Variants in MKI67 observed in about 807,000 individuals in gnomAD.
MKI67 encodes the protein proliferation marker protein Ki-67.
MKI67 carries 152 observed loss-of-function variants against 233.5 expected under a neutral mutation model. The ratio of observed to expected loss-of-function variants is 0.65; its 90% CI spans 0.57 to 0.74. The LOEUF (loss-of-function observed/expected upper bound fraction) is 0.74, where lower values mean the gene tolerates loss of function less well. Among genes scored for constraint, MKI67 ranks in the 30% least tolerant of loss-of-function variants. MKI67 has a pLI of 0.00. For synonymous variants in MKI67, 1,465 were observed against 1,418.5 expected, an observed-to-expected ratio of 1.03 and a Z score of -0.74; for missense variants, 3,940 against 3,885.2, an observed-to-expected ratio of 1.01 and a Z score of -0.37.
Position 128,108,279 on chromosome 10 carries a change from A to C in MKI67, c.3561T>G (p.Ile1187Met), listed in dbSNP as rs201133638. 362 of 1,610,402 alleles carry C rather than the reference A, an allele frequency of 2.2e-4. No homozygotes were observed. The highest frequency in any genetic ancestry group is 3.0e-4 in the Non-Finnish European group (355 of 1,179,058). Residue 1187 changes from isoleucine to methionine, a missense_variant, in exon 13 of 15, where the codon ATT becomes ATG. Physicochemically the swap from Ile to Met is conservative, Grantham distance 10 (BLOSUM62 1). Transcript: ENST00000368654. ...PKPAGGDEKD[I>M]KAFMGTPVQK... ...GCACTGGAGTTCCCATAAATGCTTT[A>C]ATGTCTTTCTCATCACCTCCTGCTG...
chr10:128,110,391 G>C lies in MKI67; in HGVS notation c.2403C>G (p.Thr801=), dbSNP rs751240563. ...TDSGEEPLLP[T]SESFGGNVFF... The stretch of plus-strand genomic sequence containing the variant: ...AAGGAAACCAACCAAAACTCTCTGA[G>C]GTGGGGAGCAGAGGTTCTTCTCCTG... The change falls in exon 12 of 15, where the codon ACC becomes ACG. Residue 801 remains threonine, a synonymous_variant. Coordinates refer to ENST00000368654, the MANE Select transcript of MKI67 (RefSeq NM_002417.5). 6.4e-7 allele frequency: 1 copy of C among 1,567,286 alleles called. No homozygotes were observed. Among genetic ancestry groups the C allele is most frequent in the Admixed American group, 1.7e-5 (1 of 59,152 alleles).
Position 128,115,872 on chromosome 10 carries a change from G to T in MKI67, c.536C>A (p.Thr179Lys), listed in dbSNP as rs775578239. 34 of 1,608,870 alleles carry T rather than the reference G, an allele frequency of 2.1e-5. No homozygotes were observed. The East Asian group carries it at 2.7e-4, about 13-fold the overall frequency. ...DDSKDSVAQG[T>K]TNVHSSEHAG... ...ATGTTCTGAGGAATGAACATTAGTTGTTCCCTGAGCAACACTGTCTTTTGA... is the reference window on the plus strand; with the variant it reads ...ATGTTCTGAGGAATGAACATTAGTTTTTCCCTGAGCAACACTGTCTTTTGA... Residue 179 changes from threonine to lysine, a missense_variant, in exon 7 of 15, where the codon ACA becomes AAA. Coordinates refer to ENST00000368654, the MANE Select transcript of MKI67 (RefSeq NM_002417.5).
chr10:128,101,190 A>T, intron 14 of MKI67, 68 bp downstream of exon 14: 1 of 1,520,056 alleles, frequency 6.6e-7, no homozygotes, highest in Non-Finnish European at 8.9e-7. Context: ...TTGCCTTTGC[A>T]ACCTTGGGCA....
intron 12 of MKI67, 22 bp downstream of exon 12, chr10:128,110,356 G>A: frequency 6.5e-7 from 1 of 1,534,052 alleles, no homozygotes; most frequent in South Asian, 1.3e-5. Context: ...ACATCACAGT[G>A]TTAGGAAACA....
rs771013535 is a variant in MKI67, at chr10:128,113,625, GGAA to G, written c.1481-26_1481-24del. 1.6e-5 allele frequency: 26 copies of G among 1,602,262 alleles called. 1 individual carries two copies. The South Asian group carries it at 2.9e-4, about 18-fold the overall frequency. On this transcript the variant is annotated intron_variant, in intron 7 of 14. Coordinates refer to ENST00000368654, the MANE Select transcript of MKI67 (RefSeq NM_002417.5). Reference sequence around the variant, plus strand: ...CATCTAAAGTAACGGATACAAATGTGGAAAGAGCAATGAAAAAACATACCAAGA... The same window carrying G: ...CATCTAAAGTAACGGATACAAATGTGAGAGCAATGAAAAAACATACCAAGA...
chr10:128,112,162 C>G lies in MKI67; in HGVS notation c.1940G>C (p.Arg647Thr). 6.2e-7 allele frequency: 1 copy of G among 1,614,006 alleles called. No individual in the cohort carries two copies. Among genetic ancestry groups the G allele is most frequent in the East Asian group, 2.2e-5 (1 of 44,890 alleles). Residue 647 changes from arginine to threonine, a missense_variant, in exon 9 of 15, where the codon AGA becomes ACA. Transcript: ENST00000368654. Reference sequence around the variant, plus strand: ...CAGATTTGCTTCCGAAGCACCACTTCTTCTTTTGGAACATATCATCTGTAA... The same window carrying G: ...CAGATTTGCTTCCGAAGCACCACTTGTTCTTTTGGAACATATCATCTGTAA... ...DILQMICSKR[R>T]SGASEANLIV... is the part of the protein sequence containing the mutation.
rs1590309843 is a variant in MKI67 at position 128,111,997 on chromosome 10, T to C, written c.2018A>G (p.Gln673Arg). Residue 673 changes from glutamine to arginine, a missense_variant, in exon 10 of 15, where the codon CAA becomes CGA. Physicochemically the swap from Gln to Arg is conservative, Grantham distance 43. Coordinates refer to ENST00000368654, the MANE Select transcript of MKI67 (RefSeq NM_002417.5). Reference protein sequence around the residue: ...DVVKLGAKQTQTKVIKHGPQR... With the variant: ...DVVKLGAKQTRTKVIKHGPQR... ...AGGACCATGTTTTATGACTTTAGTT[T>C]GTGTTTGTTTTGCACCAAGTTTTAC... The C allele has an allele frequency of 1.9e-6, 3 of 1,613,556 alleles. No homozygotes were observed. In the African/African-American group the frequency reaches 4.0e-5, roughly 22 times the overall value.
rs1285125622 is a variant in MKI67, at chr10:128,110,375, A to G, written c.2416+3T>C. 1 of 1,558,102 alleles carries G rather than the reference A, an allele frequency of 6.4e-7. No homozygotes were observed. The highest frequency in any genetic ancestry group is 8.8e-7 in the Non-Finnish European group (1 of 1,139,522). On this transcript the variant is annotated splice_donor_region_variant and intron_variant, in intron 12 of 14. Coordinates refer to ENST00000368654, the MANE Select transcript of MKI67 (RefSeq NM_002417.5). ...CACAGTGTTAGGAAACAAGGAAACCAACCAAAACTCTCTGAGGTGGGGAGC... is the reference window on the plus strand; with the variant it reads ...CACAGTGTTAGGAAACAAGGAAACCGACCAAAACTCTCTGAGGTGGGGAGC...
chr10:128,099,246 T>G lies in MKI67; in HGVS notation c.9715A>C (p.Asn3239His). The change falls in exon 15 of 15, where the codon AAT becomes CAT. Residue 3239 changes from asparagine (N) to histidine (H), a missense_variant. Asn to His is a moderately conservative substitution (Grantham distance 68). Transcript: ENST00000368654. The part of the protein sequence containing the change: ...CAENPKKAED[N>H]VCVKKIRTRS... ...GTTCTTATTTTCTTGACACACACAT[T>G]GTCCTCAGCCTGTGTGGGAAGAAAA... is the stretch of plus-strand genomic sequence containing the variant. The G allele has an allele frequency of 6.2e-7, 1 of 1,613,204 alleles. No individual in the cohort carries two copies. The highest frequency in any genetic ancestry group is 8.5e-7 in the Non-Finnish European group (1 of 1,179,556).
At chr10:128,122,767 C>G in intron 4 of MKI67, 114 bp downstream of exon 4, 1 of 539,392 alleles carries the variant, frequency 1.9e-6, no homozygotes, top group Non-Finnish European at 3.3e-6. Context: ...GAATGAAAAC[C>G]TGAAATACTT....
chr10:128,111,100 G>A (rs1026600212), intron 11 of MKI67, among the ~76,000 whole-genome samples: 1 of 152,224 alleles, frequency 6.6e-6, no homozygotes, highest in African/African-American at 2.4e-5. Context: ...TTACAGGCGT[G>A]AGCCACTGCG....
Position 128,098,806 on chromosome 10 carries a change from G to A in MKI67, c.*384C>T, listed in dbSNP as rs2136121828. ...GCCTGCTCAGTGTTGGGACAGACGAGGATAGTTGTTCCTGCCACCGTGCCC... is the reference window on the plus strand; with the variant it reads ...GCCTGCTCAGTGTTGGGACAGACGAAGATAGTTGTTCCTGCCACCGTGCCC... On this transcript the variant is annotated 3_prime_UTR_variant, in exon 15 of 15. Coordinates refer to ENST00000368654, the MANE Select transcript of MKI67 (RefSeq NM_002417.5). 6.0e-6 allele frequency: 1 copy of A among 167,026 alleles called. No individual in the cohort carries two copies. Among genetic ancestry groups the A allele is most frequent in the Non-Finnish European group, 1.3e-5 (1 of 77,812 alleles). The allele number at this position is 167,026 out of a possible 1,614,324, so 10.3% of individuals were successfully genotyped here.
chr10:128,109,079 C>T lies in MKI67; in HGVS notation c.2761G>A (p.Glu921Lys). Residue 921 changes from glutamate to lysine, a missense_variant, in exon 13 of 15, where the codon GAG becomes AAG. Coordinates refer to ENST00000368654, the MANE Select transcript of MKI67 (RefSeq NM_002417.5). Reference sequence around the variant, plus strand: ...AAAGGTCTTTCTATTTCCTTCATCTCTCCTTCTCTCCTTTGTTGTAGTAGT... The same window carrying T: ...AAAGGTCTTTCTATTTCCTTCATCTTTCCTTCTCTCCTTTGTTGTAGTAGT... Reference protein sequence around the residue: ...ATLLQQRREGEMKEIERPFET... With the variant: ...ATLLQQRREGKMKEIERPFET... 6.2e-7 allele frequency: 1 copy of T among 1,614,154 alleles called. No individual in the cohort carries two copies. Among genetic ancestry groups the T allele is most frequent in the African/African-American group, 1.3e-5 (1 of 75,050 alleles).
At chr10:128,099,596 A>G (rs1290543789) in intron 14 of MKI67, among the ~76,000 whole-genome samples, 1 of 152,198 alleles carries the variant, frequency 6.6e-6, no homozygotes, top group Non-Finnish European at 1.5e-5. Context: ...AGTGAATCCA[A>G]CCAGGATTAA....
chr10:128,124,317 A>G (rs1195410154), intron 2 of MKI67, among the ~76,000 whole-genome samples: 6 of 152,200 alleles, frequency 3.9e-5, no homozygotes, highest in African/African-American at 4.8e-5. Context: ...ACGACTATAG[A>G]TGGGTGTTTC....
At chr10:128,100,313 C>A (rs1298853822) in intron 14 of MKI67, among the ~76,000 whole-genome samples, 4 of 152,162 alleles carry the variant, frequency 2.6e-5, no homozygotes, top group Non-Finnish European at 4.4e-5. Context: ...AGCCCTCCCC[C>A]TCCACTGGCT....
At chr10:128,121,931 T>C (rs1375568384) in intron 4 of MKI67, among the ~76,000 whole-genome samples, 1 of 152,166 alleles carries the variant, frequency 6.6e-6, no homozygotes, top group Non-Finnish European at 1.5e-5. Flanking sequence ...GTTAAGGACT[T>C]TTATAAGAAC....
Position 128,103,898 on chromosome 10 carries a change from G to A in MKI67, c.7942C>T (p.Gln2648Ter). Residue 2648 changes from glutamine to a stop codon, truncating the protein, a stop_gained, in exon 13 of 15, where the codon CAA becomes TAA. Transcript: ENST00000368654. LOFTEE classifies it high-confidence loss of function. ...GGGTTTGGTTTCTTCTTTGCACGTT[G>A]CTTCAATACTTTGATGCCCTCATCA... ...SGDEGIKVLK[Q>*]RAKKKPNPVE... 6.2e-7 allele frequency: 1 copy of A among 1,613,804 alleles called. No homozygotes were observed. The highest frequency in any genetic ancestry group is 8.5e-7 in the Non-Finnish European group (1 of 1,179,972).
Position 128,113,543 on chromosome 10 carries a change from G to A in MKI67, c.1540C>T (p.Pro514Ser), listed in dbSNP as rs760756736. 3 of 1,614,152 alleles carry A rather than the reference G, an allele frequency of 1.9e-6. No homozygotes were observed. The Admixed American group carries it at 5.0e-5, about 27-fold the overall frequency. ...GGCAAGTTTTCATCAAATAGTTCAG[G>A]TCTTAGGTGCCCACCAAAGGACACA... is the stretch of plus-strand genomic sequence containing the variant. ...RRVSFGGHLR[P>S]ELFDENLPPN... Residue 514 changes from proline (P) to serine (S), a missense_variant, in exon 8 of 15, where the codon CCT (proline) becomes TCT (serine). Transcript: ENST00000368654.
Sources: gnomAD v4.1 joint callset for allele counts (sites outside exome capture counted in the v4.1 genomes callset) on GRCh38, gnomAD v4.1.1 for gene constraint, MANE v1.5 for transcripts, NCBI Gene and HGNC (gene_info 2026-07-23, HGNC 2026-07-21) for gene names.